The following PARD3B variants were observed in gnomAD, a reference collection of about 807,000 sequenced individuals.
The protein encoded by PARD3B is partitioning defective 3 homolog B.
Under a neutral mutation model 130.2 loss-of-function variants are expected in PARD3B, and 103 were observed. The observed-to-expected ratio is 0.79, with a 90% confidence interval of 0.67 to 0.93. The LOEUF (loss-of-function observed/expected upper bound fraction) is 0.93, where lower values mean the gene tolerates loss of function less well. Among genes scored for constraint, PARD3B ranks in the 40% least tolerant of loss-of-function variants. PARD3B has a pLI of 0.00. For missense variants in PARD3B, 1,609 were observed against 1,499.2 expected (o/e 1.07, Z -1.21); for synonymous variants, 583 against 553.2 (o/e 1.05, Z -0.76).
intron 18 of PARD3B, among the ~76,000 whole-genome samples, chr2:205,385,580 T>C (rs2045633306): frequency 6.6e-6 from 1 of 152,124 alleles, no homozygotes; most frequent in African/African-American, 2.4e-5. Flanking sequence ...TGATTCTACT[T>C]CATCTACCAA....
chr2:204,783,812 G>A (rs2041920625), intron 2 of PARD3B, among the ~76,000 whole-genome samples: 1 of 152,012 alleles, frequency 6.6e-6, no homozygotes, highest in African/African-American at 2.4e-5. Context: ...TAGCTATTCT[G>A]CCTCTAAAAT....
At chr2:205,154,325 T>G (rs192280301) in intron 10 of PARD3B, among the ~76,000 whole-genome samples, 1 of 152,190 alleles carries the variant, frequency 6.6e-6, no homozygotes, top group African/African-American at 2.4e-5. Flanking sequence ...ATCAGAGAAA[T>G]GCAAATCAAA....
intron 19 of PARD3B, among the ~76,000 whole-genome samples, chr2:205,439,467 G>C (rs2047636429): frequency 6.6e-6 from 1 of 152,190 alleles, no homozygotes; most frequent in African/African-American, 2.4e-5. Flanking sequence ...AGGCTATAGT[G>C]ACCTTTCCAT....
intron 2 of PARD3B, among the ~76,000 whole-genome samples, chr2:204,885,125 A>G (rs987489907): frequency 6.6e-6 from 1 of 152,120 alleles, no homozygotes; most frequent in Non-Finnish European, 1.5e-5. Context: ...TTGCTCTGCA[A>G]CCTTGCCAGC....
chr2:205,157,972 C>T (rs12988876), intron 10 of PARD3B, among the ~76,000 whole-genome samples: 4,370 of 152,264 alleles, frequency 0.029, 95 homozygotes, highest in Middle Eastern at 0.058. Flanking sequence ...CTCTGTGTTT[C>T]TTGAGACCAG....
At chr2:204,662,956 T>A (rs2035878289) in intron 1 of PARD3B, among the ~76,000 whole-genome samples, 1 of 152,152 alleles carries the variant, frequency 6.6e-6, no homozygotes. Context: ...AAATGCCTGG[T>A]TTGCATTATC....
intron 1 of PARD3B, among the ~76,000 whole-genome samples, chr2:204,614,661 A>G (rs1268434649): frequency 3.3e-5 from 5 of 152,078 alleles, no homozygotes; most frequent in Admixed American, 6.6e-5. Context: ...TATTTAAATC[A>G]TGGGGGCAGT....
chr2:204,609,274 A>G (rs539592941), intron 1 of PARD3B, among the ~76,000 whole-genome samples: 1 of 152,304 alleles, frequency 6.6e-6, no homozygotes, highest in South Asian at 2.1e-4. Flanking sequence ...CTGCAATTGG[A>G]AAATGGCATC....
At chr2:205,419,477 G>A (rs1435856016) in intron 19 of PARD3B, among the ~76,000 whole-genome samples, 1 of 152,260 alleles carries the variant, frequency 6.6e-6, no homozygotes, top group Non-Finnish European at 1.5e-5. Flanking sequence ...AAATGGTGGA[G>A]CAAATTGAAC....
intron 20 of PARD3B, among the ~76,000 whole-genome samples, chr2:205,449,923 G>T (rs370987883): frequency 5.4e-4 from 83 of 152,296 alleles, no homozygotes; most frequent in African/African-American, 1.9e-3. Flanking sequence ...TAGAATAGAG[G>T]TGTATGTGGG....
intron 2 of PARD3B, among the ~76,000 whole-genome samples, chr2:204,942,811 G>GTT (rs201474197): frequency 0.015 from 2,249 of 151,972 alleles, 62 homozygotes; most frequent in African/African-American, 0.051. Flanking sequence ...TTGCAATCAA[G>GTT]TTTATATCTC....
At chr2:205,340,849 A>C (rs1327923102) in intron 18 of PARD3B, among the ~76,000 whole-genome samples, 1 of 152,140 alleles carries the variant, frequency 6.6e-6, no homozygotes, top group East Asian at 1.9e-4. Context: ...CTGTTCATCC[A>C]ACAAGAAACT....
At chr2:205,363,321 G>A (rs547466879) in intron 18 of PARD3B, among the ~76,000 whole-genome samples, 1 of 152,302 alleles carries the variant, frequency 6.6e-6, no homozygotes, top group Admixed American at 6.5e-5. Flanking sequence ...AAGGCCATAG[G>A]AGGGTAAGCA....
chr2:205,023,574 A>G (rs1176631492), intron 3 of PARD3B, among the ~76,000 whole-genome samples: 1 of 118,254 alleles, frequency 8.5e-6, no homozygotes, highest in Non-Finnish European at 1.6e-5. Context: ...TAAACTGGGA[A>G]TACCATGAGT....
chr2:204,646,830 A>G (rs552518853), intron 1 of PARD3B, among the ~76,000 whole-genome samples: 2 of 152,166 alleles, frequency 1.3e-5, no homozygotes, highest in East Asian at 3.9e-4. Flanking sequence ...TTGAAAATAT[A>G]GTAAGTAAAC....
intron 22 of PARD3B, among the ~76,000 whole-genome samples, chr2:205,605,103 C>T (rs1309752553): frequency 1.3e-5 from 2 of 152,268 alleles, no homozygotes; most frequent in Non-Finnish European, 2.9e-5. Flanking sequence ...GTTAACAGCT[C>T]TTGGGATTTT....
rs953470592 is a variant in PARD3B, at chr2:205,509,253, G to A, written c.3180+9222G>A. Among the ~76,000 whole-genome samples the A allele has an allele frequency of 3.4e-4, 51 of 151,930 alleles. 1 individual carries two copies. The highest frequency in any genetic ancestry group is 1.2e-3 in the African/African-American group (50 of 41,374). On this transcript the variant is annotated intron_variant, in intron 21 of 22. Coordinates refer to ENST00000406610, the MANE Select transcript of PARD3B (RefSeq NM_001302769.2). Reference sequence around the variant, plus strand: ...AAAATATATATATATTGTTTGTTAGGATCCCAAACCAGCCTACAAAAACCC... The same window carrying A: ...AAAATATATATATATTGTTTGTTAGAATCCCAAACCAGCCTACAAAAACCC...
At chr2:204,911,877 T>C (rs940467472) in intron 2 of PARD3B, among the ~76,000 whole-genome samples, 11 of 152,346 alleles carry the variant, frequency 7.2e-5, no homozygotes, top group African/African-American at 2.6e-4. Flanking sequence ...ATACAACTTT[T>C]GTTTGTCAAA....
chr2:205,302,772 T>C (rs34226321), intron 18 of PARD3B, among the ~76,000 whole-genome samples: 91,361 of 151,942 alleles, frequency 0.6, 29,376 homozygotes, highest in South Asian at 0.76. Context: ...GTCTGGGCTC[T>C]GATGCCCAAG....
Sources: allele counts gnomAD v4.1 joint callset (sites outside exome capture counted in the v4.1 genomes callset), GRCh38; gene constraint gnomAD v4.1.1; transcripts MANE v1.5; gene names NCBI Gene and HGNC (gene_info 2026-07-23, HGNC 2026-07-21).